Variants in GART observed in about 807,000 individuals in gnomAD.
GART encodes trifunctional purine biosynthetic protein adenosine-3.
In GART, 43 loss-of-function variants were observed where a neutral mutation model predicts 107.2. That is an observed-to-expected ratio of 0.40 (90% confidence interval 0.31 to 0.52). The LOEUF (loss-of-function observed/expected upper bound fraction) is 0.52, where lower values mean the gene tolerates loss of function less well. Among genes scored for constraint, GART ranks in the 20% least tolerant of loss-of-function variants. The probability of loss-of-function intolerance (pLI) is 0.52; values close to 1 mark genes in which losing one functional copy is unlikely to be tolerated. For synonymous variants in GART, 434 were observed against 427.0 expected (o/e 1.02, Z -0.20); for missense variants, 1,107 against 1,206.5 (o/e 0.92, Z 1.22).
rs554869771 is a variant in GART, at chr21:33,521,903, G to A, written c.1393+285C>T. Among the ~76,000 whole-genome samples the A allele has an allele frequency of 9.7e-4, 140 of 143,612 alleles. 1 individual carries two copies. The highest frequency in any genetic ancestry group is 4.0e-3 in the Middle Eastern group (1 of 250). 94.2% of individuals were successfully genotyped at this position (143,612 alleles called of 152,430 possible). On this transcript the variant is annotated intron_variant, in intron 12 of 21. Transcript: ENST00000381815. ...GAAATCAGGATGCAGAGGTTGCAGT[G>A]AGCCGAGATGGTGCCATTGCACTCC...
rs200677439 is a variant in GART, at chr21:33,509,879, G to C, written c.2356C>G (p.Gln786Glu). ...TTCTTCAACACTGACCCATTTATTT[G>C]CATGCTTTCAATCAGATTCTTGACT... ...VKVKNLIESM[Q>E]INGSVLKNGS... The change falls in exon 18 of 22, where the codon CAA becomes GAA. Residue 786 changes from glutamine (Q) to glutamate (E), a missense_variant. Coordinates refer to ENST00000381815, the MANE Select transcript of GART (RefSeq NM_000819.5). 5 of 1,612,776 alleles carry C rather than the reference G, an allele frequency of 3.1e-6. No homozygotes were observed. Among genetic ancestry groups the C allele is most frequent in the South Asian group, 1.1e-5 (1 of 90,940 alleles).
At chr21:33,540,818 C>G (rs975238516) in intron 1 of GART, among the ~76,000 whole-genome samples, 1 of 152,006 alleles carries the variant, frequency 6.6e-6, no homozygotes, top group African/African-American at 2.4e-5. Flanking sequence ...AGCACTTAAC[C>G]TTGGGCAGGG....
Position 33,539,149 on chromosome 21 carries a change from C to A in GART, c.145+22G>T, listed in dbSNP as rs1012535815. On this transcript the variant is annotated intron_variant, in intron 2 of 21. Transcript: ENST00000381815. ...TTAATAACAAATAATAACTATTACT[C>A]CCCACTTTAAAACATGATTACCGGT... The A allele has an allele frequency of 1.9e-6, 3 of 1,603,254 alleles. 1 individual carries two copies. Among genetic ancestry groups the A allele is most frequent in the African/African-American group, 1.3e-5 (1 of 74,388 alleles).
chr21:33,530,639 T>A, intron 7 of GART, 120 bp downstream of exon 7: 1 of 1,020,560 alleles, frequency 9.8e-7, no homozygotes, highest in Non-Finnish European at 1.3e-6. Flanking sequence ...AATTGCTGAT[T>A]AGTAACATAA....
rs773966983 is a variant in GART at position 33,506,015 on chromosome 21, C to T, written c.2542G>A (p.Ala848Thr). 3.1e-6 allele frequency: 5 copies of T among 1,614,094 alleles called. No individual in the cohort carries two copies. The East Asian group carries it at 8.9e-5, about 29-fold the overall frequency. ...GCTCTTTCCGCTTTATCTAACCCAG[C>T]TACTGCGGCTTTGTTGGAGATAACA... ...DIVISNKAAV[A>T]GLDKAERAGI... Residue 848 changes from alanine (A) to threonine (T), a missense_variant, in exon 19 of 22, where the codon GCT becomes ACT. Physicochemically the swap from Ala to Thr is moderately conservative, Grantham distance 58. Transcript: ENST00000381815.
In GART at chr21:33,522,244, G is replaced by A; in HGVS notation, c.1337C>T (p.Ala446Val). 6.2e-7 allele frequency: 1 copy of A among 1,613,962 alleles called. No individual in the cohort carries two copies. The highest frequency in any genetic ancestry group is 8.5e-7 in the Non-Finnish European group (1 of 1,179,906). ...TYKESGVDIA[A>V]GNMLVKKIQP... ...AATTTTCTTGACCAGCATATTTCCA[G>A]CTGCGATATCTACTCCAGATTCCTT... The change falls in exon 12 of 22, where the codon GCT (alanine) becomes GTT (valine). Residue 446 changes from alanine (A) to valine (V), a missense_variant. Transcript: ENST00000381815.
intron 4 of GART, among the ~76,000 whole-genome samples, chr21:33,533,409 C>T (rs1291415027): frequency 6.8e-6 from 1 of 146,360 alleles, no homozygotes; most frequent in African/African-American, 2.5e-5. Flanking sequence ...AGCGCCACTG[C>T]AGTCCGGCCT....
chr21:33,506,358 C>T (rs866292679), intron 18 of GART, among the ~76,000 whole-genome samples: 1 of 151,938 alleles, frequency 6.6e-6, no homozygotes, highest in Non-Finnish European at 1.5e-5. Flanking sequence ...TGGCCAGGCT[C>T]GTCTGGAACT....
chr21:33,519,374 A>T (rs2084930316), intron 14 of GART, among the ~76,000 whole-genome samples: 1 of 152,080 alleles, frequency 6.6e-6, no homozygotes, highest in African/African-American at 2.4e-5. Context: ...TAACACGGTG[A>T]AACCCCATCT....
chr21:33,504,570 T>C, intron 20 of GART, 43 bp from the exon 21 acceptor site: 1 of 1,397,926 alleles, frequency 7.2e-7, no homozygotes, highest in Non-Finnish European at 1.0e-6. Flanking sequence ...TTAAAAATCC[T>C]GGGTATTCTG....
At chr21:33,509,024 C>T (rs2084736574) in intron 18 of GART, among the ~76,000 whole-genome samples, 1 of 152,084 alleles carries the variant, frequency 6.6e-6, no homozygotes, top group South Asian at 2.1e-4. Context: ...CAACTTGGGC[C>T]TAAAGTACAT....
chr21:33,518,785 C>T (rs774738352), intron 14 of GART: 17 of 488,134 alleles, frequency 3.5e-5, no homozygotes, highest in Non-Finnish European at 6.0e-5. Context: ...ACTATTTGGG[C>T]AGAGCTTCAG....
In GART at chr21:33,524,755, G is replaced by C. The variant is rs1014528600; in HGVS notation, c.1298+14C>G. Reference sequence around the variant, plus strand: ...TCTGAAATGGCACTACAGCTAACTTGCTTAGAGTTTTACCTGGGCTGCTGG... The same window carrying C: ...TCTGAAATGGCACTACAGCTAACTTCCTTAGAGTTTTACCTGGGCTGCTGG... On this transcript the variant is annotated intron_variant, in intron 11 of 21. Transcript: ENST00000381815. 1 of 1,614,100 alleles carries C rather than the reference G, an allele frequency of 6.2e-7. No homozygotes were observed. The highest frequency in any genetic ancestry group is 8.5e-7 in the Non-Finnish European group (1 of 1,179,992).
intron 1 of GART, 27 bp from the exon 2 acceptor site, chr21:33,539,383 T>C: frequency 6.5e-7 from 1 of 1,542,406 alleles, no homozygotes; most frequent in Non-Finnish European, 8.8e-7. Flanking sequence ...ACAGTTTATA[T>C]CTTAGGATGC....
In GART at chr21:33,524,917, C is replaced by A; in HGVS notation, c.1150G>T (p.Gly384Cys). 6.2e-7 allele frequency: 1 copy of A among 1,614,174 alleles called. No homozygotes were observed. Among genetic ancestry groups the A allele is most frequent in the Non-Finnish European group, 8.5e-7 (1 of 1,180,030 alleles). ...LKNGKVVTHG[G>C]RVLAVTAIRE... ...ATGGCTGTGACTGCAAGAACTCTAC[C>A]CCCATGAGTTACTACTTTGCCATTT... is the stretch of plus-strand genomic sequence containing the variant. Residue 384 changes from glycine (G) to cysteine (C), a missense_variant, in exon 11 of 22, where the codon GGT becomes TGT. Transcript: ENST00000381815.
chr21:33,520,590 A>C, intron 13 of GART, 28 bp from the exon 14 acceptor site: 1 of 1,578,530 alleles, frequency 6.3e-7, no homozygotes, highest in Non-Finnish European at 8.7e-7. Context: ...AAACATCCAC[A>C]TTAGGGAATA....
chr21:33,541,118 T>C (rs2085407222), intron 1 of GART, among the ~76,000 whole-genome samples: 1 of 152,236 alleles, frequency 6.6e-6, no homozygotes, highest in Non-Finnish European at 1.5e-5. Context: ...TTGCCATGTG[T>C]ATCTGAAATA....
Position 33,528,283 on chromosome 21 carries a change from A to G in GART, c.950T>C (p.Leu317Ser), listed in dbSNP as rs1006036685. The G allele has an allele frequency of 4.3e-6, 7 of 1,613,646 alleles. No individual in the cohort carries two copies. Among genetic ancestry groups the G allele is most frequent in the Non-Finnish European group, 5.9e-6 (7 of 1,179,674 alleles). ...CAGAGATGTGCAGAGCAGTCCATCT[A>G]AGGTGGACTGAATCACTTCATAAAG... Reference protein sequence around the residue: ...SDLYEVIQSTLDGLLCTSLPV... With the variant: ...SDLYEVIQSTSDGLLCTSLPV... Residue 317 changes from leucine (L) to serine (S), a missense_variant, in exon 10 of 22, where the codon TTA (leucine) becomes TCA (serine). Physicochemically the swap from Leu to Ser is moderately radical, Grantham distance 145. Coordinates refer to ENST00000381815, the MANE Select transcript of GART (RefSeq NM_000819.5).
chr21:33,533,782 A>G (rs2085244921), intron 4 of GART, among the ~76,000 whole-genome samples: 1 of 151,810 alleles, frequency 6.6e-6, no homozygotes, highest in South Asian at 2.1e-4. Context: ...GTGTGTGCCT[A>G]TTGTCCCAGC....
Sources: allele counts gnomAD v4.1 joint callset (sites outside exome capture counted in the v4.1 genomes callset), GRCh38; gene constraint gnomAD v4.1.1; transcripts MANE v1.5; gene names NCBI Gene and HGNC (gene_info 2026-07-23, HGNC 2026-07-21).